Variants in NAA50 observed in about 807,000 individuals in gnomAD.
The protein encoded by NAA50 is N-alpha-acetyltransferase 50.
Under a neutral mutation model 20.7 loss-of-function variants are expected in NAA50, and 7 were observed. That is an observed-to-expected ratio of 0.34 (90% CI 0.19 to 0.63). NAA50 has a LOEUF of 0.63. NAA50 is among the 30% of genes least tolerant of loss of function. NAA50 has a pLI of 0.75. For missense variants in NAA50, 111 were observed against 199.1 expected, an observed-to-expected ratio of 0.56 and a Z score of 2.66; for synonymous variants, 54 against 70.6, an observed-to-expected ratio of 0.77 and a Z score of 1.18.
At position 113,721,925 on chromosome 3, in the gene NAA50, G is replaced by A. The variant is rs377277670; in HGVS notation, c.345C>T (p.Ile115=). ...AGAAGTCAATTGCCGACTCATTGCT[G>A]ATCTGGACATGCCTGAGATATAAGA... The part of the protein sequence containing the change: ...TFDNIYLHVQ[I]SNESAIDFYR... The change falls in exon 5 of 5, where the codon ATC becomes ATT. Residue 115 remains isoleucine (I), a synonymous_variant. Coordinates refer to ENST00000240922, the MANE Select transcript of NAA50 (RefSeq NM_025146.4). 3.1e-6 allele frequency: 5 copies of A among 1,613,458 alleles called. No homozygotes were observed. In the African/African-American group the frequency reaches 5.3e-5, roughly 17 times the overall value.
intron 1 of NAA50, among the ~76,000 whole-genome samples, chr3:113,745,397 C>T (rs1270874435): frequency 6.6e-6 from 1 of 152,216 alleles, no homozygotes; most frequent in East Asian, 1.9e-4. Flanking sequence ...CCTCCACTCG[C>T]TGTGACCCAA....
chr3:113,745,988 A>C lies in NAA50; in HGVS notation c.-39T>G. The stretch of plus-strand genomic sequence containing the variant: ...TGAGGCCGTCGTTACCACCGATATC[A>C]ACGCCGTCGTAGTCGCCGCCCTTAG... On this transcript the variant is annotated 5_prime_UTR_variant, in exon 1 of 5. Transcript: ENST00000240922. The C allele has an allele frequency of 6.2e-7, 1 of 1,604,836 alleles. No individual in the cohort carries two copies.
At chr3:113,739,688 C>G (rs1236895486) in intron 1 of NAA50, 1 of 152,164 alleles carries the variant, frequency 6.6e-6, no homozygotes, top group Non-Finnish European at 1.5e-5. Context: ...ACCAAAAAAC[C>G]AGATTCGCCT....
chr3:113,735,001 TG>T (rs1421591778), intron 1 of NAA50, among the ~76,000 whole-genome samples: 1 of 152,214 alleles, frequency 6.6e-6, no homozygotes, highest in East Asian at 1.9e-4. Context: ...ACTTTTTAAA[TG>T]AAAGAATTCT....
intron 3 of NAA50, 22 bp downstream of exon 3, chr3:113,723,400 T>C (rs748056697): frequency 6.3e-6 from 10 of 1,590,824 alleles, no homozygotes; most frequent in Admixed American, 5.4e-5. Context: ...TCTGAAGAAG[T>C]AAAAAAACCA....
At chr3:113,744,548 A>G (rs1378804262) in intron 1 of NAA50, among the ~76,000 whole-genome samples, 1 of 152,154 alleles carries the variant, frequency 6.6e-6, no homozygotes, top group Non-Finnish European at 1.5e-5. Flanking sequence ...GTTGGATTGT[A>G]TCTGAAATAG....
At chr3:113,740,494 G>C (rs1328178775) in intron 1 of NAA50, among the ~76,000 whole-genome samples, 4 of 151,462 alleles carry the variant, frequency 2.6e-5, no homozygotes, top group Non-Finnish European at 5.9e-5. Flanking sequence ...GACTTCCCAA[G>C]TAGCTGGGAC....
Position 113,746,109 on chromosome 3 carries a change from G to T in NAA50, c.-160C>A. The stretch of plus-strand genomic sequence containing the variant: ...GAGCAACGAAGGCCGCGAGAGTCGA[G>T]TGAGGGCTTGAGTCTGGTGGGGGCG... On this transcript the variant is annotated 5_prime_UTR_variant, in exon 1 of 5. Transcript: ENST00000240922. 1.1e-6 allele frequency: 1 copy of T among 903,500 alleles called. No individual in the cohort carries two copies. Among genetic ancestry groups the T allele is most frequent in the Non-Finnish European group, 1.7e-6 (1 of 603,828 alleles). The allele number at this position is 903,500 out of a possible 1,614,324, so 56.0% of individuals were successfully genotyped here.
rs942841547 is a variant in NAA50, at chr3:113,717,023, CTTGA to C, written c.*4733_*4736del. On this transcript the variant is annotated 3_prime_UTR_variant, in exon 5 of 5. Coordinates refer to ENST00000240922, the MANE Select transcript of NAA50 (RefSeq NM_025146.4). ...AGAAGCTACTGAGCAAGGAAAATACCTTGATTCATTCTAGATAGAAAACATTTTA... is the reference window on the plus strand; with the variant it reads ...AGAAGCTACTGAGCAAGGAAAATACCTTCATTCTAGATAGAAAACATTTTA... The C allele has an allele frequency of 3.9e-5, 6 of 152,078 alleles. No individual in the cohort carries two copies. Among genetic ancestry groups the C allele is most frequent in the African/African-American group, 1.4e-4 (6 of 41,408 alleles). 9.4% of individuals were successfully genotyped at this position (152,078 alleles called of 1,614,324 possible).
intron 1 of NAA50, chr3:113,739,715 A>G (rs1031768676): frequency 6.6e-6 from 1 of 152,252 alleles, no homozygotes; most frequent in African/African-American, 2.4e-5. Context: ...CCTTCAACAC[A>G]GAGGTATAAA....
At chr3:113,722,999 G>A (rs1339681937) in intron 3 of NAA50, 27 bp from the exon 4 acceptor site, 6 of 1,498,456 alleles carry the variant, frequency 4.0e-6, no homozygotes, top group African/African-American at 1.4e-5. Context: ...TAACAAACAC[G>A]TGACTTCATA....
intron 1 of NAA50, among the ~76,000 whole-genome samples, chr3:113,736,871 A>G (rs1436481217): frequency 1.3e-5 from 2 of 152,224 alleles, no homozygotes; most frequent in East Asian, 3.8e-4. Context: ...AAAATGAAGT[A>G]TAGAGAAAGC....
chr3:113,720,607 T>C lies in NAA50; in HGVS notation c.*1153A>G, dbSNP rs1435644742. 6.6e-6 allele frequency: 1 copy of C among 152,606 alleles called. No individual in the cohort carries two copies. The highest frequency in any genetic ancestry group is 6.5e-5 in the Admixed American group (1 of 15,268). The allele number at this position is 152,606 out of a possible 1,614,324, so 9.5% of individuals were successfully genotyped here. ...GTTTAATAATTACCCCTGCCTCAAA[T>C]CCTTAAACTCAATATCACAGGCACT... On this transcript the variant is annotated 3_prime_UTR_variant, in exon 5 of 5. Coordinates refer to ENST00000240922, the MANE Select transcript of NAA50 (RefSeq NM_025146.4).
chr3:113,727,374 T>C (rs889569183), intron 1 of NAA50, among the ~76,000 whole-genome samples: 2 of 152,232 alleles, frequency 1.3e-5, no homozygotes, highest in Non-Finnish European at 2.9e-5. Context: ...TTTAAAACTT[T>C]AGGAATCATT....
intron 1 of NAA50, among the ~76,000 whole-genome samples, chr3:113,742,448 CAG>C (rs1347983712): frequency 7.2e-6 from 1 of 137,976 alleles, no homozygotes; most frequent in Non-Finnish European, 1.5e-5. Flanking sequence ...TTTTTTGAGA[CAG>C]AGTCTCACTC....
chr3:113,745,277 T>G (rs1467252465), intron 1 of NAA50, among the ~76,000 whole-genome samples: 2 of 152,088 alleles, frequency 1.3e-5, no homozygotes, highest in Non-Finnish European at 2.9e-5. Flanking sequence ...GCCTCAGCAC[T>G]CAGGGGCAAT....
intron 1 of NAA50, 62 bp downstream of exon 1, chr3:113,745,879 CT>C: frequency 1.3e-6 from 2 of 1,566,074 alleles, no homozygotes; most frequent in Non-Finnish European, 1.7e-6. Context: ...GGCTCTCCCC[CT>C]CTACATGGGC....
At chr3:113,729,165 T>C (rs1235927138) in intron 1 of NAA50, among the ~76,000 whole-genome samples, 1 of 152,112 alleles carries the variant, frequency 6.6e-6, no homozygotes, top group African/African-American at 2.4e-5. Flanking sequence ...TTTGTATTTT[T>C]AGTAGAGATG....
At position 113,719,888 on chromosome 3, in the gene NAA50, G is replaced by T. The variant is rs911908578; in HGVS notation, c.*1872C>A. The T allele has an allele frequency of 6.6e-6, 1 of 152,564 alleles. No individual in the cohort carries two copies. Among genetic ancestry groups the T allele is most frequent in the South Asian group, 2.1e-4 (1 of 4,834 alleles). The allele number at this position is 152,564 out of a possible 1,614,324, so 9.5% of individuals were successfully genotyped here. On this transcript the variant is annotated 3_prime_UTR_variant, in exon 5 of 5. Transcript: ENST00000240922. Reference sequence around the variant, plus strand: ...TTGATATCTGGGAAGTTTACAAAAAGGCTGCTGCATTCTTCAAACTACTTA... The same window carrying T: ...TTGATATCTGGGAAGTTTACAAAAATGCTGCTGCATTCTTCAAACTACTTA...
Sources: gnomAD v4.1 joint callset for allele counts (sites outside exome capture counted in the v4.1 genomes callset) on GRCh38, gnomAD v4.1.1 for gene constraint, MANE v1.5 for transcripts, NCBI Gene and HGNC (gene_info 2026-07-23, HGNC 2026-07-21) for gene names.